MGRN1: variants seen among roughly 807,000 people sequenced by gnomAD.
The protein encoded by MGRN1 is mahogunin ring finger 1.
A neutral mutation model predicts 69.2 loss-of-function variants in MGRN1; 29 were observed. The observed-to-expected ratio is 0.42, with a 90% CI of 0.31 to 0.57. The LOEUF is 0.57. MGRN1 is among the 20% of genes least tolerant of loss of function. MGRN1 has a pLI of 0.15. For missense variants in MGRN1, 998 were observed against 796.2 expected, an observed-to-expected ratio of 1.25 and a Z score of -3.05; for synonymous variants, 470 against 344.2, an observed-to-expected ratio of 1.37 and a Z score of -4.04.
chr16:4,664,433 G>A (rs2078752550), intron 5 of MGRN1: 3 of 488,552 alleles, frequency 6.1e-6, no homozygotes, highest in African/African-American at 1.9e-5. Context: ...TTCTGGAAAT[G>A]GATGGTGGCG....
At chr16:4,685,125 G>T (rs577634515) in intron 16 of MGRN1, among the ~76,000 whole-genome samples, 1 of 152,248 alleles carries the variant, frequency 6.6e-6, no homozygotes, top group African/African-American at 2.4e-5. Flanking sequence ...GTGTGTTTAG[G>T]ACCAGCTTAC....
intron 13 of MGRN1, among the ~76,000 whole-genome samples, chr16:4,682,379 A>AG (rs1340637772): frequency 6.6e-6 from 1 of 152,170 alleles, no homozygotes; most frequent in Non-Finnish European, 1.5e-5. Context: ...GGCGGCTGCC[A>AG]GGGGGACTCT....
chr16:4,680,724 TG>T (rs1180501172), intron 12 of MGRN1: 1 of 152,656 alleles, frequency 6.6e-6, no homozygotes, highest in African/African-American at 2.4e-5. Flanking sequence ...GAGGCAGGTA[TG>T]GGAGCAAATG....
chr16:4,645,557 A>G (rs2078255984), intron 1 of MGRN1, among the ~76,000 whole-genome samples: 2 of 152,128 alleles, frequency 1.3e-5, no homozygotes, highest in African/African-American at 4.8e-5. Flanking sequence ...TGCTGTGGAG[A>G]AGAATAAGGC....
intron 1 of MGRN1, among the ~76,000 whole-genome samples, chr16:4,633,036 T>C (rs866950171): frequency 6.6e-6 from 1 of 152,170 alleles, no homozygotes; most frequent in African/African-American, 2.4e-5. Flanking sequence ...TGAGCTATGA[T>C]TGCCCCACTG....
chr16:4,688,881 C>T lies in MGRN1; in HGVS notation c.1704C>T (p.Pro568=), dbSNP rs1481477315. The T allele has an allele frequency of 1.9e-6, 3 of 1,552,336 alleles. No individual in the cohort carries two copies. The highest frequency in any genetic ancestry group is 3.8e-5 in the Admixed American group (2 of 51,992). Residue 568 remains proline (P), a synonymous_variant, in exon 17 of 17, where the codon CCC becomes CCT. Coordinates refer to ENST00000262370, the MANE Select transcript of MGRN1 (RefSeq NM_015246.4). The part of the protein sequence containing the change: ...WPPLGGPSPD[P]SAAELTPL ...CACTTGGTGGCCCCAGCCCCGATCC[C>T]AGCGCCGCCGAGCTGACCCCACTCT...
At chr16:4,651,879 G>A in intron 2 of MGRN1, 84 bp from the exon 3 acceptor site, 3 of 1,191,882 alleles carry the variant, frequency 2.5e-6, no homozygotes, top group Admixed American at 1.7e-5. Flanking sequence ...ACCCTCTGGG[G>A]CTGTGGCTGC....
At chr16:4,673,406 G>A in intron 9 of MGRN1, 92 bp from the exon 10 acceptor site, 1 of 1,499,262 alleles carries the variant, frequency 6.7e-7, no homozygotes, top group Non-Finnish European at 9.0e-7. Context: ...CCCAGGGTAG[G>A]GTGGAGTGGG....
intron 1 of MGRN1, among the ~76,000 whole-genome samples, chr16:4,625,444 C>T (rs1029170705): frequency 2.6e-5 from 4 of 152,210 alleles, no homozygotes; most frequent in Admixed American, 2.0e-4. Context: ...CCGCGGGGGC[C>T]GGCTTTCGCT....
chr16:4,647,907 C>G (rs890719019), intron 1 of MGRN1, among the ~76,000 whole-genome samples: 2 of 152,112 alleles, frequency 1.3e-5, no homozygotes, highest in East Asian at 3.9e-4. Context: ...CTCTGGGCCA[C>G]CTCCCTCAGG....
At chr16:4,638,166 A>G (rs919715769) in intron 1 of MGRN1, among the ~76,000 whole-genome samples, 4 of 151,980 alleles carry the variant, frequency 2.6e-5, no homozygotes, top group Admixed American at 2.6e-4. Context: ...TCTCATCTCA[A>G]GTTTGCAGTT....
intron 11 of MGRN1, among the ~76,000 whole-genome samples, chr16:4,678,594 CAG>C (rs2079107136): frequency 6.6e-6 from 1 of 152,120 alleles, no homozygotes; most frequent in South Asian, 2.1e-4. Flanking sequence ...CAGGGAGAGA[CAG>C]AGATGGGGAT....
At chr16:4,676,971 C>G (rs763421866) in intron 10 of MGRN1, 1 of 153,136 alleles carries the variant, frequency 6.5e-6, no homozygotes, top group Non-Finnish European at 1.5e-5. Context: ...GATGTCCCCG[C>G]CTGCCATCCT....
intron 4 of MGRN1, among the ~76,000 whole-genome samples, chr16:4,656,330 A>C (rs57055203): frequency 0.12 from 17,927 of 152,238 alleles, 2,974 homozygotes; most frequent in African/African-American, 0.37. Context: ...AGTAAAACCA[A>C]AGCGGGACCT....
intron 1 of MGRN1, 67 bp downstream of exon 1, chr16:4,625,115 G>C (rs1386092): frequency 3.6e-5 from 51 of 1,421,136 alleles, no homozygotes; most frequent in Middle Eastern, 3.7e-4. Flanking sequence ...CGGGCGCGGG[G>C]GCGGGGACTC....
chr16:4,675,360 C>G (rs2079032833), intron 10 of MGRN1, among the ~76,000 whole-genome samples: 1 of 152,294 alleles, frequency 6.6e-6, no homozygotes, highest in African/African-American at 2.4e-5. Context: ...GTCCTCGTGC[C>G]TCCTAAAGTG....
At chr16:4,635,974 T>TTTG (rs986368005) in intron 1 of MGRN1, among the ~76,000 whole-genome samples, 3 of 150,904 alleles carry the variant, frequency 2.0e-5, no homozygotes, top group South Asian at 2.1e-4. Context: ...TTCTGTTTTT[T>TTTG]TTTTTTAAGT....
intron 1 of MGRN1, among the ~76,000 whole-genome samples, chr16:4,647,964 C>T (rs1381459838): frequency 3.3e-5 from 5 of 152,128 alleles, no homozygotes; most frequent in East Asian, 1.9e-4. Context: ...TCTTGGTGGC[C>T]GTGGCTGTGC....
intron 1 of MGRN1, among the ~76,000 whole-genome samples, chr16:4,626,633 A>G (rs536209058): frequency 2.6e-5 from 4 of 152,354 alleles, no homozygotes; most frequent in Admixed American, 2.6e-4. Context: ...GATATCAAAA[A>G]GTTGAGTGGC....
Sources: allele counts gnomAD v4.1 joint callset (sites outside exome capture counted in the v4.1 genomes callset), GRCh38; gene constraint gnomAD v4.1.1; transcripts MANE v1.5; gene names NCBI Gene and HGNC (gene_info 2026-07-23, HGNC 2026-07-21).